CLVS1: variants seen among roughly 807,000 people sequenced by gnomAD.
CLVS1 encodes the protein clavesin 1, also known as clavesin-1.
In CLVS1, 10 loss-of-function variants were observed where a neutral mutation model predicts 33.1. The ratio of observed to expected loss-of-function variants is 0.30; its 90% confidence interval spans 0.19 to 0.51. The LOEUF is 0.51. CLVS1 is among the 20% of genes least tolerant of loss of function. The probability of loss-of-function intolerance (pLI) is 0.97; values close to 1 mark genes in which losing one functional copy is unlikely to be tolerated. For missense variants in CLVS1, 343 were observed against 433.4 expected (o/e 0.79, Z 1.85); for synonymous variants, 163 against 166.1 (o/e 0.98, Z 0.14).
intron 4 of CLVS1, among the ~76,000 whole-genome samples, chr8:61,456,189 C>T (rs1817149600): frequency 2.0e-5 from 3 of 152,148 alleles, no homozygotes; most frequent in South Asian, 4.1e-4. Context: ...GGTAGAGGGT[C>T]CAGCCTCCTC....
At chr8:61,244,611 AG>A (rs1441199763) in intron 2 of CLVS1, among the ~76,000 whole-genome samples, 2 of 152,208 alleles carry the variant, frequency 1.3e-5, no homozygotes, top group Admixed American at 6.5e-5. Context: ...AACACCAAAA[AG>A]GAACCCCAAT....
intron 2 of CLVS1, among the ~76,000 whole-genome samples, chr8:61,215,817 G>C (rs1320297031): frequency 1.3e-5 from 2 of 151,854 alleles, no homozygotes; most frequent in African/African-American, 4.8e-5. Context: ...GGAGAGCTTT[G>C]TTGTTTTCCA....
At chr8:61,307,803 C>T (rs1020565604) in intron 2 of CLVS1, among the ~76,000 whole-genome samples, 3 of 152,090 alleles carry the variant, frequency 2.0e-5, no homozygotes, top group African/African-American at 7.2e-5. Flanking sequence ...GTGTACATTG[C>T]ACCCAATAGG....
the CLVS1 span, among the ~76,000 whole-genome samples, chr8:61,032,856 G>A: frequency 6.6e-6 from 1 of 151,746 alleles, no homozygotes; most frequent in Non-Finnish European, 1.5e-5. Context: ...GTATTGCCAA[G>A]CTATGCTTCA....
chr8:61,320,086 T>A (rs1811142992), intron 2 of CLVS1, among the ~76,000 whole-genome samples: 1 of 152,184 alleles, frequency 6.6e-6, no homozygotes, highest in Admixed American at 6.5e-5. Context: ...TCTATCCATA[T>A]AAAATTATGC....
chr8:61,016,803 A>C, the CLVS1 span, among the ~76,000 whole-genome samples: 17 of 152,214 alleles, frequency 1.1e-4, no homozygotes, highest in Admixed American at 9.2e-4. Context: ...AGAACTGACA[A>C]GTATACCAGA....
chr8:61,111,402 T>A (rs1422638098), intron 1 of CLVS1, among the ~76,000 whole-genome samples: 1 of 152,230 alleles, frequency 6.6e-6, no homozygotes, highest in Admixed American at 6.5e-5. Flanking sequence ...GGTATCTTCT[T>A]GGTTTGTACT....
At chr8:61,280,626 G>A (rs1809650596) in intron 2 of CLVS1, among the ~76,000 whole-genome samples, 1 of 152,200 alleles carries the variant, frequency 6.6e-6, no homozygotes, top group African/African-American at 2.4e-5. Context: ...TGTCAATAAA[G>A]TATTTTTGTA....
At chr8:61,338,607 T>C (rs1811890490) in intron 2 of CLVS1, among the ~76,000 whole-genome samples, 1 of 152,194 alleles carries the variant, frequency 6.6e-6, no homozygotes, top group African/African-American at 2.4e-5. Context: ...CATTTTTGGG[T>C]TCCAAAACCA....
At chr8:61,450,079 G>A (rs1393207987) in intron 3 of CLVS1, among the ~76,000 whole-genome samples, 2 of 152,190 alleles carry the variant, frequency 1.3e-5, no homozygotes, top group African/African-American at 4.8e-5. Context: ...GCTAGATCAT[G>A]GTATTATGCT....
chr8:61,168,693 A>C (rs1202595566), intron 2 of CLVS1, among the ~76,000 whole-genome samples: 2 of 152,230 alleles, frequency 1.3e-5, no homozygotes, highest in African/African-American at 4.8e-5. Context: ...AAAATTAAAA[A>C]CTGTGTTTTG....
intron 3 of CLVS1, among the ~76,000 whole-genome samples, chr8:61,382,712 A>T (rs1585891965): frequency 6.6e-6 from 1 of 152,100 alleles, no homozygotes; most frequent in African/African-American, 2.4e-5. Context: ...GATTCCATAG[A>T]TCTAGAGCAG....
intron 3 of CLVS1, among the ~76,000 whole-genome samples, chr8:61,403,885 G>C (rs1814872633): frequency 6.6e-6 from 1 of 152,214 alleles, no homozygotes; most frequent in Admixed American, 6.5e-5. Context: ...ATGCTGCTTC[G>C]AGAAAGCAGA....
chr8:61,387,990 C>T (rs550716195), intron 3 of CLVS1, among the ~76,000 whole-genome samples: 15 of 152,096 alleles, frequency 9.9e-5, no homozygotes, highest in Admixed American at 7.8e-4. Context: ...GGGTAGATAC[C>T]GAGGAGGGGG....
intron 2 of CLVS1, among the ~76,000 whole-genome samples, chr8:61,165,496 C>T (rs1298033643): frequency 6.6e-6 from 1 of 152,110 alleles, no homozygotes; most frequent in East Asian, 1.9e-4. Flanking sequence ...CTGTTTTTGC[C>T]TAATTAGTAT....
the CLVS1 span, among the ~76,000 whole-genome samples, chr8:60,984,284 AG>A: frequency 6.6e-6 from 1 of 150,776 alleles, no homozygotes; most frequent in Non-Finnish European, 1.5e-5. Flanking sequence ...AAGAGTCAAA[AG>A]GTCTAGTTTT....
At chr8:61,219,736 G>A (rs1258359576) in intron 2 of CLVS1, among the ~76,000 whole-genome samples, 4 of 152,058 alleles carry the variant, frequency 2.6e-5, no homozygotes, top group African/African-American at 7.2e-5. Context: ...TGTCTTCCAC[G>A]ATGGTTGAAC....
chr8:61,064,193 A>G (rs1025287546), intron 1 of CLVS1, among the ~76,000 whole-genome samples: 1 of 152,172 alleles, frequency 6.6e-6, no homozygotes, highest in African/African-American at 2.4e-5. Context: ...ATAATGGTGT[A>G]CAAATATCTT....
chr8:61,130,956 A>G (rs1806083281), intron 1 of CLVS1, among the ~76,000 whole-genome samples: 1 of 152,198 alleles, frequency 6.6e-6, no homozygotes, highest in South Asian at 2.1e-4. Context: ...GTGAGGCAGG[A>G]TTTTAGAGGA....
Sources: gnomAD v4.1 joint callset for allele counts (sites outside exome capture counted in the v4.1 genomes callset) on GRCh38, gnomAD v4.1.1 for gene constraint, MANE v1.5 for transcripts, NCBI Gene and HGNC (gene_info 2026-07-23, HGNC 2026-07-21) for gene names.